The following RAB27B variants were observed in gnomAD, a reference collection of about 807,000 sequenced individuals.
RAB27B encodes the protein ras-related protein Rab-27B.
A neutral mutation model predicts 24.6 loss-of-function variants in RAB27B; 15 were observed. That is an observed-to-expected ratio of 0.61 (90% CI 0.41 to 0.94). The LOEUF (loss-of-function observed/expected upper bound fraction) is 0.94, where lower values mean the gene tolerates loss of function less well. Among genes scored for constraint, RAB27B ranks in the 40% least tolerant of loss-of-function variants. The pLI is 0.00. For synonymous variants in RAB27B, 105 were observed against 92.5 expected, an observed-to-expected ratio of 1.14 and a Z score of -0.78; for missense variants, 261 against 266.8, an observed-to-expected ratio of 0.98 and a Z score of 0.15.
At chr18:54,772,826 T>C (rs576378148) in intron 2 of RAB27B, among the ~76,000 whole-genome samples, 4 of 152,206 alleles carry the variant, frequency 2.6e-5, no homozygotes, top group Non-Finnish European at 5.9e-5. Context: ...TATACCTACC[T>C]TGTATATTGC....
chr18:54,886,998 C>T, intron 4 of RAB27B, among the ~76,000 whole-genome samples: 1 of 135,302 alleles, frequency 7.4e-6, no homozygotes, highest in African/African-American at 2.8e-5. Context: ...GCCCTGCCCT[C>T]CCCTCGCCAA....
At chr18:54,833,330 G>A (rs899650301) in intron 1 of RAB27B, among the ~76,000 whole-genome samples, 6 of 147,350 alleles carry the variant, frequency 4.1e-5, no homozygotes, top group African/African-American at 1.0e-4. Flanking sequence ...GGGTTCAAGC[G>A]ATTCTCCCAC....
At chr18:54,874,335 T>C (rs1397512872) in intron 1 of RAB27B, among the ~76,000 whole-genome samples, 2 of 152,226 alleles carry the variant, frequency 1.3e-5, no homozygotes, top group African/African-American at 2.4e-5. Context: ...AACCAGGATT[T>C]GACTCATTTA....
At chr18:54,823,571 C>T (rs574004352), upstream of RAB27B, among the ~76,000 whole-genome samples, 1 of 152,252 alleles carries the variant, frequency 6.6e-6, no homozygotes, top group Non-Finnish European at 1.5e-5. Context: ...TCTCTTAGAA[C>T]CCACCTTTAT....
intron 2 of RAB27B, among the ~76,000 whole-genome samples, chr18:54,791,629 G>A (rs1286328275): frequency 6.6e-6 from 1 of 152,168 alleles, no homozygotes; most frequent in Admixed American, 6.5e-5. Context: ...ACCTAGGTGA[G>A]GACAGACACT....
chr18:54,781,024 G>A (rs187387760), intron 2 of RAB27B, among the ~76,000 whole-genome samples: 1 of 152,202 alleles, frequency 6.6e-6, no homozygotes, highest in Non-Finnish European at 1.5e-5. Flanking sequence ...GGCATGCACA[G>A]TGTGGGTCTC....
intron 2 of RAB27B, among the ~76,000 whole-genome samples, chr18:54,738,761 C>T (rs1057230596): frequency 6.6e-6 from 1 of 152,132 alleles, no homozygotes; most frequent in African/African-American, 2.4e-5. Flanking sequence ...GCACCTTTTG[C>T]TAGTTGTGGA....
At position 54,836,324 on chromosome 18, in the gene RAB27B, T is replaced by G. The variant is rs375566861; in HGVS notation, c.-20+7624T>G. On this transcript the variant is annotated intron_variant, in intron 1 of 5. Coordinates refer to ENST00000262094, the MANE Select transcript of RAB27B (RefSeq NM_004163.4). Reference sequence around the variant, plus strand: ...TTTCCATGGTTCTGATTCCTTACAGTTTTCACCCTTTCAAAGTTCACTTTG... The same window carrying G: ...TTTCCATGGTTCTGATTCCTTACAGGTTTCACCCTTTCAAAGTTCACTTTG... Among the ~76,000 whole-genome samples, 7 of 152,032 alleles carry G rather than the reference T, an allele frequency of 4.6e-5. No individual in the cohort carries two copies. In the East Asian group the frequency reaches 1.4e-3, roughly 29 times the overall value.
intron 1 of RAB27B, among the ~76,000 whole-genome samples, chr18:54,858,504 C>G (rs866686539): frequency 6.6e-6 from 1 of 151,782 alleles, no homozygotes; most frequent in African/African-American, 2.4e-5. Flanking sequence ...CCTGCTCAGC[C>G]TCCCGAGTAG....
chr18:54,883,577 G>A (rs561055972), intron 3 of RAB27B, among the ~76,000 whole-genome samples: 18 of 152,068 alleles, frequency 1.2e-4, no homozygotes, highest in Non-Finnish European at 2.4e-4. Flanking sequence ...AAGATGGTTG[G>A]TGGTGGCTGG....
At chr18:54,850,675 A>G (rs1833288) in intron 1 of RAB27B, among the ~76,000 whole-genome samples, 42,045 of 150,884 alleles carry the variant, frequency 0.28, 5,906 homozygotes, top group East Asian at 0.48. Flanking sequence ...TTCAGAATGT[A>G]TTTTTTTGCC....
rs774101739 is a variant in RAB27B, at chr18:54,879,404, G to C, written c.189G>C (p.Gly63=). 1.2e-5 allele frequency: 19 copies of C among 1,613,052 alleles called. No homozygotes were observed. Among genetic ancestry groups the C allele is most frequent in the Non-Finnish European group, 1.5e-5 (18 of 1,179,128 alleles). Residue 63 remains glycine, a synonymous_variant, in exon 3 of 6, where the codon GGG becomes GGC. Transcript: ENST00000262094. ...CACAAGGACCGAATGGATCTTCAGG[G>C]AAAGCATTTAAAGTGCATCTTCAGC... is the stretch of plus-strand genomic sequence containing the variant. ...YNAQGPNGSS[G]KAFKVHLQLW... is the part of the protein sequence containing the mutation.
intron 1 of RAB27B, among the ~76,000 whole-genome samples, chr18:54,865,468 C>G (rs1272877823): frequency 1.3e-5 from 2 of 152,226 alleles, no homozygotes; most frequent in African/African-American, 4.8e-5. Flanking sequence ...TTTCATGAGG[C>G]CTTTAACCTA....
intron 2 of RAB27B, among the ~76,000 whole-genome samples, chr18:54,738,468 CTT>C (rs1156336550): frequency 2.0e-5 from 3 of 152,112 alleles, no homozygotes. Context: ...GGTTTCCTCT[CTT>C]GCTGTCTCTC....
chr18:54,851,047 T>G (rs1911567172), intron 1 of RAB27B, among the ~76,000 whole-genome samples: 1 of 152,110 alleles, frequency 6.6e-6, no homozygotes, highest in African/African-American at 2.4e-5. Flanking sequence ...TATATGAAAG[T>G]GCAATGCAAC....
rs997916197 is a variant in RAB27B at position 54,893,034 on chromosome 18, C to CT, written c.*3622dup. The CT allele has an allele frequency of 6.6e-6, 1 of 152,032 alleles. No individual in the cohort carries two copies. The highest frequency in any genetic ancestry group is 2.4e-5 in the African/African-American group (1 of 41,434). The allele number at this position is 152,032 out of a possible 1,614,324, so 9.4% of individuals were successfully genotyped here. A position where few individuals can be genotyped will look rare whatever the true frequency, so the allele number is the denominator to read the frequency against. On this transcript the variant is annotated 3_prime_UTR_variant, in exon 6 of 6. Transcript: ENST00000262094. Reference sequence around the variant, plus strand: ...TGGGAATCAACAAATTTGATGAAGCCTGTCTGTCTCTTCACCAGTGGAGTG... The same window carrying CT: ...TGGGAATCAACAAATTTGATGAAGCCTTGTCTGTCTCTTCACCAGTGGAGTG...
intron 2 of RAB27B, among the ~76,000 whole-genome samples, chr18:54,755,218 C>T (rs1029088358): frequency 1.3e-5 from 2 of 151,994 alleles, no homozygotes; most frequent in African/African-American, 2.4e-5. Context: ...GATGAAACCC[C>T]GTCTCTACTA....
chr18:54,782,554 A>G (rs1283195772), intron 2 of RAB27B, among the ~76,000 whole-genome samples: 1 of 152,186 alleles, frequency 6.6e-6, no homozygotes, highest in Non-Finnish European at 1.5e-5. Context: ...GTATAACCTT[A>G]TTGGCTATTC....
At chr18:54,807,478 C>A (rs1045136768) in intron 2 of RAB27B, among the ~76,000 whole-genome samples, 2 of 152,098 alleles carry the variant, frequency 1.3e-5, no homozygotes, top group Non-Finnish European at 2.9e-5. Context: ...GAACTTGGAG[C>A]TTTACAGGAT....
Sources: allele counts gnomAD v4.1 joint callset (sites outside exome capture counted in the v4.1 genomes callset), GRCh38; gene constraint gnomAD v4.1.1; transcripts MANE v1.5; gene names NCBI Gene and HGNC (gene_info 2026-07-23, HGNC 2026-07-21).